The following RAD51B variants were observed in gnomAD, a reference collection of about 807,000 sequenced individuals.
RAD51B encodes DNA repair protein RAD51 homolog 2.
Under a neutral mutation model 42.2 loss-of-function variants are expected in RAD51B, and 38 were observed. The ratio of observed to expected loss-of-function variants is 0.90; its 90% confidence interval spans 0.70 to 1.18. RAD51B has a LOEUF of 1.18. Among genes scored for constraint, RAD51B ranks in the 50% most tolerant of loss-of-function variants. The pLI is 0.00. For synonymous variants in RAD51B, 154 were observed against 145.2 expected (o/e 1.06, Z -0.43); for missense variants, 373 against 400.7 (o/e 0.93, Z 0.59).
At chr14:68,626,600 C>G (rs552017603) in intron 10 of RAD51B, among the ~76,000 whole-genome samples, 1 of 152,216 alleles carries the variant, frequency 6.6e-6, no homozygotes, top group African/African-American at 2.4e-5. Flanking sequence ...TCAGCTGGGG[C>G]TCTTGACTGC....
At chr14:68,318,057 A>G (rs975915814) in intron 8 of RAD51B, among the ~76,000 whole-genome samples, 1 of 152,200 alleles carries the variant, frequency 6.6e-6, no homozygotes, top group East Asian at 1.9e-4. Context: ...AGGTGATGTG[A>G]TTAGTTTTCT....
chr14:68,092,523 T>A (rs2077118270), intron 7 of RAD51B, among the ~76,000 whole-genome samples: 1 of 152,202 alleles, frequency 6.6e-6, no homozygotes, highest in Admixed American at 6.5e-5. Context: ...TGTATAAGAA[T>A]GCTTGTGATT....
At chr14:67,942,129 C>G (rs1046614682) in intron 7 of RAD51B, among the ~76,000 whole-genome samples, 1 of 152,124 alleles carries the variant, frequency 6.6e-6, no homozygotes, top group Non-Finnish European at 1.5e-5. Flanking sequence ...AATAAAGTCT[C>G]TCATATAATT....
intron 7 of RAD51B, among the ~76,000 whole-genome samples, chr14:68,126,343 A>C (rs1397543754): frequency 6.6e-6 from 1 of 152,060 alleles, no homozygotes; most frequent in Non-Finnish European, 1.5e-5. Context: ...GGTTTTGTGT[A>C]TGCCAAAAAA....
chr14:68,075,269 G>C (rs959148264), intron 7 of RAD51B, among the ~76,000 whole-genome samples: 20 of 152,170 alleles, frequency 1.3e-4, no homozygotes, highest in African/African-American at 4.6e-4. Flanking sequence ...GGTGGCTGTG[G>C]CATACTGGAG....
At chr14:68,019,222 G>T (rs1008146662) in intron 7 of RAD51B, among the ~76,000 whole-genome samples, 2 of 152,126 alleles carry the variant, frequency 1.3e-5, no homozygotes, top group African/African-American at 4.8e-5. Context: ...AACTGAAAAG[G>T]TGAAATAGAC....
chr14:68,029,146 A>G (rs965412152), intron 7 of RAD51B, among the ~76,000 whole-genome samples: 2 of 152,174 alleles, frequency 1.3e-5, no homozygotes, highest in Non-Finnish European at 2.9e-5. Flanking sequence ...TTCCTGTCTC[A>G]TCAGTCTCAG....
At chr14:67,983,182 A>C (rs1238637052) in intron 7 of RAD51B, among the ~76,000 whole-genome samples, 1 of 152,204 alleles carries the variant, frequency 6.6e-6, no homozygotes, top group Admixed American at 6.5e-5. Flanking sequence ...CTTAGAACCA[A>C]GTGATATAGT....
At chr14:68,045,236 CAAAAAAAAAAAAAA>C (rs537073885) in intron 7 of RAD51B, among the ~76,000 whole-genome samples, 1 of 22,080 alleles carries the variant, frequency 4.5e-5, no homozygotes, top group African/African-American at 1.8e-4. Flanking sequence ...AACTCTGTCT[CAAAAAAAAAAAAAA>C]AAAAAAAAAA....
intron 7 of RAD51B, among the ~76,000 whole-genome samples, chr14:68,165,957 C>T (rs1010749204): frequency 4.6e-5 from 7 of 152,214 alleles, no homozygotes; most frequent in South Asian, 2.1e-4. Context: ...ACAATGATCT[C>T]GGCATTAATA....
intron 7 of RAD51B, among the ~76,000 whole-genome samples, chr14:68,179,822 C>T (rs2079027606): frequency 6.6e-6 from 1 of 152,142 alleles, no homozygotes. Context: ...ACAGATGTTA[C>T]ATCTTTCAGG....
intron 7 of RAD51B, among the ~76,000 whole-genome samples, chr14:68,067,931 CAAAAAAAAAAAA>C (rs913150528): frequency 3.6e-4 from 9 of 24,690 alleles, no homozygotes; most frequent in East Asian, 1.5e-3. Flanking sequence ...GACTCCATCT[CAAAAAAAAAAAA>C]AAAAAAAAAA....
chr14:68,097,647 T>A (rs139969020), intron 7 of RAD51B, among the ~76,000 whole-genome samples: 1 of 152,228 alleles, frequency 6.6e-6, no homozygotes, highest in Non-Finnish European at 1.5e-5. Flanking sequence ...ATTGAAGAGA[T>A]GAAGAAATGA....
intron 7 of RAD51B, among the ~76,000 whole-genome samples, chr14:68,267,323 A>C (rs566896099): frequency 6.6e-6 from 1 of 152,330 alleles, no homozygotes; most frequent in African/African-American, 2.4e-5. Context: ...CAATTTGCAC[A>C]ACTGGGGTAA....
chr14:68,457,261 C>G (rs1430123946), intron 9 of RAD51B, among the ~76,000 whole-genome samples: 1 of 151,810 alleles, frequency 6.6e-6, no homozygotes, highest in Non-Finnish European at 1.5e-5. Context: ...TGGAAATTCT[C>G]AGTTCTGTGC....
chr14:68,317,925 A>G (rs2082091631), intron 8 of RAD51B, among the ~76,000 whole-genome samples: 2 of 152,198 alleles, frequency 1.3e-5, no homozygotes, highest in Admixed American at 6.5e-5. Context: ...AGCTATTTCT[A>G]TATACTTATG....
At position 68,322,011 on chromosome 14, in the gene RAD51B, G is replaced by A. The variant is rs35028900; in HGVS notation, c.853+30031G>A. 5.2e-3 allele frequency among the ~76,000 whole-genome samples: 787 copies of A among 152,062 alleles called. 9 individuals carry two copies. The highest frequency in any genetic ancestry group is 7.1e-3 in the Non-Finnish European group (483 of 67,964). ...CTGGTCTCAAACTCCTGAGCTCAGG[G>A]GATCTACCTGCCTCAGCCTCCAAAA... On this transcript the variant is annotated intron_variant, in intron 8 of 10. Coordinates refer to ENST00000471583, the MANE Select transcript of RAD51B (RefSeq NM_133510.4).
chr14:68,603,780 C>A (rs997704420), intron 10 of RAD51B, among the ~76,000 whole-genome samples: 1 of 152,244 alleles, frequency 6.6e-6, no homozygotes, highest in Non-Finnish European at 1.5e-5. Flanking sequence ...GCACACGCCG[C>A]GTCTCGCCTT....
intron 7 of RAD51B, among the ~76,000 whole-genome samples, chr14:67,980,984 A>C (rs919885311): frequency 3.3e-5 from 5 of 152,228 alleles, no homozygotes; most frequent in African/African-American, 4.8e-5. Context: ...ATTATGATAA[A>C]GGACTTATAT....
Sources: gnomAD v4.1 joint callset for allele counts (sites outside exome capture counted in the v4.1 genomes callset) on GRCh38, gnomAD v4.1.1 for gene constraint, MANE v1.5 for transcripts, NCBI Gene and HGNC (gene_info 2026-07-23, HGNC 2026-07-21) for gene names.